SEMA3E: variants seen among roughly 807,000 people sequenced by gnomAD.
SEMA3E encodes semaphorin 3E.
In SEMA3E, 49 loss-of-function variants were observed where a neutral mutation model predicts 93.6. That is an observed-to-expected ratio of 0.52 (90% confidence interval 0.42 to 0.66). SEMA3E has a LOEUF of 0.66. Among genes scored for constraint, SEMA3E ranks in the 30% least tolerant of loss-of-function variants. The pLI is 0.00. For missense variants in SEMA3E, 906 were observed against 964.8 expected (o/e 0.94, Z 0.81); for synonymous variants, 363 against 330.7 (o/e 1.10, Z -1.06).
chr7:83,572,753 T>A (rs1255526586), intron 1 of SEMA3E, among the ~76,000 whole-genome samples: 1 of 152,018 alleles, frequency 6.6e-6, no homozygotes, highest in African/African-American at 2.4e-5. Context: ...TTTGACAAAG[T>A]TGACAAAAAT....
chr7:83,525,209 G>C (rs934364990), intron 1 of SEMA3E, among the ~76,000 whole-genome samples: 2 of 152,048 alleles, frequency 1.3e-5, no homozygotes. Flanking sequence ...GGATTTTAGA[G>C]TTGAAGCTAT....
chr7:83,599,375 T>G (rs1792938342), intron 1 of SEMA3E, among the ~76,000 whole-genome samples: 1 of 152,274 alleles, frequency 6.6e-6, no homozygotes, highest in South Asian at 2.1e-4. Context: ...TATGTGAATA[T>G]AAGACACAGG....
At chr7:83,546,545 G>C (rs2115785171) in intron 1 of SEMA3E, among the ~76,000 whole-genome samples, 1 of 151,984 alleles carries the variant, frequency 6.6e-6, no homozygotes, top group African/African-American at 2.4e-5. Flanking sequence ...TTTTACTCAA[G>C]ACAAATCTTA....
intron 1 of SEMA3E, among the ~76,000 whole-genome samples, chr7:83,602,410 A>C (rs1793014446): frequency 6.6e-6 from 1 of 152,032 alleles, no homozygotes; most frequent in Admixed American, 6.6e-5. Context: ...GCCTATCTCC[A>C]CGGCCCTCCC....
At chr7:83,447,121 T>G (rs934916319) in intron 4 of SEMA3E, among the ~76,000 whole-genome samples, 2 of 152,230 alleles carry the variant, frequency 1.3e-5, no homozygotes, top group Non-Finnish European at 2.9e-5. Flanking sequence ...CTTGTTAATT[T>G]TGTTCCAGGA....
chr7:83,402,674 C>A lies in SEMA3E; in HGVS notation c.1101G>T (p.Trp367Cys). ...AAGGGACTTTTCCTTCATAGACTGACCAGTGGTATTCAGGTCCTTCCTTAT... is the reference window on the plus strand; with the variant it reads ...AAGGGACTTTTCCTTCATAGACTGAACAGTGGTATTCAGGTCCTTCCTTAT... Reference protein sequence around the residue: ...YAHKEGPEYHWSVYEGKVPYP... With the variant: ...YAHKEGPEYHCSVYEGKVPYP... The change falls in exon 10 of 17, where the codon TGG becomes TGT. Residue 367 changes from tryptophan to cysteine, a missense_variant. Physicochemically the swap from Trp to Cys is radical, Grantham distance 215. Coordinates refer to ENST00000643230, the MANE Select transcript of SEMA3E (RefSeq NM_012431.3). 3 of 1,612,972 alleles carry A rather than the reference C, an allele frequency of 1.9e-6. No homozygotes were observed. The highest frequency in any genetic ancestry group is 2.5e-6 in the Non-Finnish European group (3 of 1,179,166).
chr7:83,372,807 T>A (rs1339624861), intron 16 of SEMA3E: 2 of 152,148 alleles, frequency 1.3e-5, no homozygotes, highest in Non-Finnish European at 1.5e-5. Flanking sequence ...GTAGGTTAAA[T>A]CACCTAGAAA....
intron 4 of SEMA3E, among the ~76,000 whole-genome samples, chr7:83,465,283 ACT>A (rs1352932950): frequency 1.1e-4 from 17 of 151,508 alleles, no homozygotes; most frequent in South Asian, 4.2e-4. Flanking sequence ...CCCTTCGCTG[ACT>A]CTCTTTTCAG....
At position 83,648,842 on chromosome 7, in the gene SEMA3E, A is replaced by G. The variant is rs1418234745; in HGVS notation, c.-300T>C. The G allele has an allele frequency of 3.1e-6, 1 of 317,514 alleles. No homozygotes were observed. Among genetic ancestry groups the G allele is most frequent in the African/African-American group, 2.2e-5 (1 of 46,460 alleles). The allele number at this position is 317,514 out of a possible 1,614,324, so 19.7% of individuals were successfully genotyped here. A position where few individuals can be genotyped will look rare whatever the true frequency, so the allele number is the denominator to read the frequency against. The stretch of plus-strand genomic sequence containing the variant: ...AACTACGCCGGTAGATTCAGGAAGA[A>G]GCTGTATTTTTCAGTCACTTGGGCA... On this transcript the variant is annotated 5_prime_UTR_variant, in exon 1 of 17. Transcript: ENST00000643230.
At chr7:83,541,862 G>T (rs1180174935) in intron 1 of SEMA3E, among the ~76,000 whole-genome samples, 1 of 142,364 alleles carries the variant, frequency 7.0e-6, no homozygotes, top group African/African-American at 2.5e-5. Context: ...ATCCTCTCAT[G>T]TTTCCAAGAA....
At chr7:83,419,975 AG>A (rs1273579033) in intron 4 of SEMA3E, among the ~76,000 whole-genome samples, 16 of 152,172 alleles carry the variant, frequency 1.1e-4, no homozygotes, top group Admixed American at 1.0e-3. Context: ...AACAGCAATC[AG>A]GCATCAAAAT....
At chr7:83,504,061 C>T (rs145340467) in intron 1 of SEMA3E, among the ~76,000 whole-genome samples, 7 of 152,148 alleles carry the variant, frequency 4.6e-5, no homozygotes, top group Admixed American at 2.0e-4. Flanking sequence ...TAAAAACACA[C>T]GGTTTCCAGA....
chr7:83,521,656 C>A (rs1444543798), intron 1 of SEMA3E, among the ~76,000 whole-genome samples: 1 of 151,976 alleles, frequency 6.6e-6, no homozygotes, highest in East Asian at 1.9e-4. Flanking sequence ...CAATTTGGTT[C>A]CTGGTGTGGG....
At chr7:83,598,660 G>T (rs913246371) in intron 1 of SEMA3E, among the ~76,000 whole-genome samples, 1 of 152,156 alleles carries the variant, frequency 6.6e-6, no homozygotes, top group Non-Finnish European at 1.5e-5. Flanking sequence ...AGAGAGAGTT[G>T]AAACTGGGAG....
At chr7:83,614,590 A>G (rs1336295786) in intron 1 of SEMA3E, among the ~76,000 whole-genome samples, 1 of 152,176 alleles carries the variant, frequency 6.6e-6, no homozygotes, top group Non-Finnish European at 1.5e-5. Flanking sequence ...GTGGCTTAAA[A>G]CAACAGACTT....
In SEMA3E at chr7:83,554,684, CAT is replaced by C. The variant is rs941914616; in HGVS notation, c.116-64412_116-64411del. Among the ~76,000 whole-genome samples the C allele has an allele frequency of 1.8e-4, 27 of 152,212 alleles. 1 individual carries two copies. Among genetic ancestry groups the C allele is most frequent in the Admixed American group, 1.3e-3 (20 of 15,274 alleles). On this transcript the variant is annotated intron_variant, in intron 1 of 16. Transcript: ENST00000643230. Reference sequence around the variant, plus strand: ...AACAAGATTACTAACACTTTAAAGACATGTGCTTCTCTCTGGGTGCGGTGGCT... The same window carrying C: ...AACAAGATTACTAACACTTTAAAGACGTGCTTCTCTCTGGGTGCGGTGGCT...
chr7:83,454,272 A>AAATATATATAT (rs1257792756), intron 4 of SEMA3E, among the ~76,000 whole-genome samples: 1 of 110,136 alleles, frequency 9.1e-6, no homozygotes, highest in African/African-American at 4.3e-5. Context: ...AAAAAAAAAA[A>AAATATATATAT]ATATATATAT....
intron 11 of SEMA3E, among the ~76,000 whole-genome samples, chr7:83,399,263 C>T (rs1470255997): frequency 6.6e-6 from 1 of 152,202 alleles, no homozygotes; most frequent in Non-Finnish European, 1.5e-5. Context: ...GAATTTGCTA[C>T]ATACTACTTT....
At chr7:83,459,538 A>G (rs1789565798) in intron 4 of SEMA3E, among the ~76,000 whole-genome samples, 1 of 152,200 alleles carries the variant, frequency 6.6e-6, no homozygotes, top group African/African-American at 2.4e-5. Context: ...TTTGCCTTCC[A>G]TATCTCTAAA....
Sources: gnomAD v4.1 joint callset for allele counts (sites outside exome capture counted in the v4.1 genomes callset) on GRCh38, gnomAD v4.1.1 for gene constraint, MANE v1.5 for transcripts, NCBI Gene and HGNC (gene_info 2026-07-23, HGNC 2026-07-21) for gene names.